The following ERI1 variants were observed in gnomAD, a reference collection of about 807,000 sequenced individuals.
ERI1 encodes the protein 3'-5' exoribonuclease 1.
A neutral mutation model predicts 39.7 loss-of-function variants in ERI1; 39 were observed. That is an observed-to-expected ratio of 0.98 (90% CI 0.76 to 1.28). ERI1 has a LOEUF of 1.28. Ranked by LOEUF, ERI1 falls within the 50% of genes most tolerant of loss-of-function variation. ERI1 has a pLI of 0.00. For synonymous variants in ERI1, 204 were observed against 149.6 expected (o/e 1.36, Z -2.65); for missense variants, 581 against 416.9 (o/e 1.39, Z -3.43).
At chr8:9,024,676 C>T (rs1333185082) in intron 6 of ERI1, among the ~76,000 whole-genome samples, 1 of 152,052 alleles carries the variant, frequency 6.6e-6, no homozygotes, top group Non-Finnish European at 1.5e-5. Context: ...TGCCCCCCCT[C>T]GGCCTCCTAA....
At chr8:9,037,866 T>G (rs1585249607), downstream of ERI1, among the ~76,000 whole-genome samples, 1 of 147,438 alleles carries the variant, frequency 6.8e-6, no homozygotes, top group African/African-American at 2.5e-5. Context: ...TCCTTCCTAG[T>G]AGTTCAGTCT....
At chr8:9,022,328 C>G (rs1325327069) in intron 6 of ERI1, among the ~76,000 whole-genome samples, 4 of 152,082 alleles carry the variant, frequency 2.6e-5, no homozygotes, top group Middle Eastern at 6.8e-3. Context: ...TTTTACTGGT[C>G]TATAGATTTT....
intron 2 of ERI1, among the ~76,000 whole-genome samples, chr8:9,010,606 A>G (rs1430316792): frequency 1.3e-5 from 2 of 151,738 alleles, no homozygotes; most frequent in Non-Finnish European, 2.9e-5. Context: ...TTAACATGAT[A>G]CTTTACTTGG....
At chr8:9,005,047 T>G (rs1466521973) in intron 1 of ERI1, among the ~76,000 whole-genome samples, 1 of 152,178 alleles carries the variant, frequency 6.6e-6, no homozygotes, top group Admixed American at 6.5e-5. Flanking sequence ...GTGGTAAATT[T>G]CCATTATCTC....
intron 2 of ERI1, 114 bp downstream of exon 2, chr8:9,008,262 T>C (rs1816258698): frequency 1.1e-6 from 1 of 923,580 alleles, no homozygotes; most frequent in East Asian, 2.8e-5. Flanking sequence ...GACATGATCC[T>C]ATTAACAGTT....
chr8:9,029,993 G>A lies in ERI1; in HGVS notation c.1009G>A (p.Glu337Lys). The change falls in exon 7 of 7, where the codon GAG (glutamate) becomes AAG (lysine). Residue 337 changes from glutamate (E) to lysine (K), a missense_variant. Physicochemically the swap from Glu to Lys is moderately conservative, Grantham distance 56. Coordinates refer to ENST00000250263, the MANE Select transcript of ERI1 (RefSeq NM_153332.4). ...GAGTGTGTCCTCTTCCTTACCAATA[G>A]AGGGCACTCCACCACCACAAATGCC... ...LMSVSSSLPI[E>K]GTPPPQMPHF... 1.2e-6 allele frequency: 2 copies of A among 1,613,308 alleles called. No homozygotes were observed. The highest frequency in any genetic ancestry group is 1.6e-4 in the Middle Eastern group (1 of 6,062).
chr8:9,034,671 A>T (rs2117328096), downstream of ERI1, among the ~76,000 whole-genome samples: 1 of 152,312 alleles, frequency 6.6e-6, no homozygotes, highest in East Asian at 1.9e-4. Flanking sequence ...CAATATTGAA[A>T]TTAGGGCAAT....
chr8:9,051,454 C>G (rs896215366), intron 3 of ERI1, among the ~76,000 whole-genome samples: 1 of 151,952 alleles, frequency 6.6e-6, no homozygotes. Flanking sequence ...GTCAGGAGTT[C>G]GAGAACAGCC....
chr8:9,083,363 G>T (rs749010345), intron 3 of ERI1, among the ~76,000 whole-genome samples: 4 of 152,100 alleles, frequency 2.6e-5, no homozygotes, highest in Non-Finnish European at 5.9e-5. Flanking sequence ...AAAGCATACC[G>T]TAACAAGAGA....
intron 1 of ERI1, among the ~76,000 whole-genome samples, chr8:9,003,537 C>T (rs1337500571): frequency 2.6e-5 from 4 of 152,132 alleles, no homozygotes; most frequent in Admixed American, 1.3e-4. Context: ...TCACCATATA[C>T]GCTAGGTATG....
At chr8:9,038,603 A>G (rs990352019) in intron 3 of ERI1, among the ~76,000 whole-genome samples, 50 of 110,270 alleles carry the variant, frequency 4.5e-4, no homozygotes, top group Non-Finnish European at 2.0e-4. Context: ...CAAAAAATTC[A>G]AAACTTAGCT....
At chr8:9,028,996 T>A (rs1225713334) in intron 6 of ERI1, among the ~76,000 whole-genome samples, 1 of 145,268 alleles carries the variant, frequency 6.9e-6, no homozygotes, top group African/African-American at 2.6e-5. Context: ...TTTTTTTTTT[T>A]TAACTTATCA....
intron 3 of ERI1, among the ~76,000 whole-genome samples, chr8:9,068,434 T>C (rs891782329): frequency 6.6e-6 from 1 of 152,168 alleles, no homozygotes; most frequent in Non-Finnish European, 1.5e-5. Context: ...ACCTCTGGGC[T>C]CAAGTGATCC....
intron 5 of ERI1, 83 bp downstream of exon 5, chr8:9,018,489 C>T: frequency 2.5e-6 from 2 of 787,394 alleles, no homozygotes; most frequent in Non-Finnish European, 4.1e-6. Flanking sequence ...TTAGAATAAC[C>T]ACAAACTATT....
At chr8:9,005,369 A>C (rs1175629204) in intron 1 of ERI1, among the ~76,000 whole-genome samples, 1 of 152,126 alleles carries the variant, frequency 6.6e-6, no homozygotes, top group African/African-American at 2.4e-5. Flanking sequence ...TTCTTGCAAC[A>C]ACAGATTGTG....
intron 3 of ERI1, among the ~76,000 whole-genome samples, chr8:9,048,990 G>A (rs139074761): frequency 9.9e-5 from 15 of 152,114 alleles, no homozygotes; most frequent in Non-Finnish European, 2.1e-4. Flanking sequence ...AAGATAGGTG[G>A]AGGTGAGCGA....
intron 3 of ERI1, among the ~76,000 whole-genome samples, chr8:9,041,373 T>C (rs1798012837): frequency 6.6e-6 from 1 of 152,136 alleles, no homozygotes; most frequent in South Asian, 2.1e-4. Flanking sequence ...TCAGGTGTGT[T>C]GAGGCATACA....
intron 3 of ERI1, chr8:9,088,524 C>T (rs1271228634): frequency 2.6e-5 from 4 of 152,156 alleles, no homozygotes; most frequent in African/African-American, 9.7e-5. Context: ...GGAAATTTGA[C>T]ATGTGATGCA....
chr8:9,090,879 T>C (rs1799680830), intron 3 of ERI1, among the ~76,000 whole-genome samples: 3 of 152,338 alleles, frequency 2.0e-5, no homozygotes, highest in Non-Finnish European at 4.4e-5. Flanking sequence ...AAGCTGTTTC[T>C]GAGTGATGAA....
Sources: gnomAD v4.1 joint callset for allele counts (sites outside exome capture counted in the v4.1 genomes callset) on GRCh38, gnomAD v4.1.1 for gene constraint, MANE v1.5 for transcripts, NCBI Gene and HGNC (gene_info 2026-07-23, HGNC 2026-07-21) for gene names.